Variants in RGL1 observed in about 807,000 individuals in gnomAD.
RGL1 encodes the protein ral guanine nucleotide dissociation stimulator-like 1.
Under a neutral mutation model 95.2 loss-of-function variants are expected in RGL1, and 24 were observed. The ratio of observed to expected loss-of-function variants is 0.25; its 90% CI spans 0.18 to 0.35. The LOEUF is 0.35. Among genes scored for constraint, RGL1 ranks in the 10% least tolerant of loss-of-function variants. The probability of loss-of-function intolerance (pLI) is 1.00; values close to 1 mark genes in which losing one functional copy is unlikely to be tolerated. For missense variants in RGL1, 715 were observed against 936.3 expected, an observed-to-expected ratio of 0.76 and a Z score of 3.08; for synonymous variants, 329 against 344.9, an observed-to-expected ratio of 0.95 and a Z score of 0.51.
intron 1 of RGL1, among the ~76,000 whole-genome samples, chr1:183,713,460 G>A (rs1655433482): frequency 7.3e-6 from 1 of 136,276 alleles, no homozygotes; most frequent in Admixed American, 8.7e-5. Context: ...TTAGCCAGTT[G>A]AATGTGATTT....
At chr1:183,884,975 AG>A (rs1239435780) in intron 7 of RGL1, 37 bp downstream of exon 7, 1 of 1,551,732 alleles carries the variant, frequency 6.4e-7, no homozygotes, top group African/African-American at 1.4e-5. Flanking sequence ...TGTGTTTGGT[AG>A]ATGCAAGAGA....
intron 15 of RGL1, among the ~76,000 whole-genome samples, chr1:183,913,953 C>T (rs1445586361): frequency 6.6e-6 from 1 of 152,212 alleles, no homozygotes. Context: ...TACGGACTGG[C>T]CATGCTCTCA....
intron 7 of RGL1, among the ~76,000 whole-genome samples, chr1:183,886,812 GA>G (rs1384268883): frequency 9.2e-5 from 14 of 152,066 alleles, no homozygotes; most frequent in Non-Finnish European, 1.6e-4. Context: ...AAGGATATTT[GA>G]AAAAGAAAAT....
At chr1:183,636,249 G>A in exon 1 of RGL1, 2 of 399,040 alleles carry the variant, frequency 5.0e-6, no homozygotes, top group Non-Finnish European at 4.4e-6. Flanking sequence ...CGGACCGAGT[G>A]CCCTGCAGTT....
chr1:183,712,141 G>C (rs976761016), intron 1 of RGL1, among the ~76,000 whole-genome samples: 3 of 152,204 alleles, frequency 2.0e-5, no homozygotes, highest in African/African-American at 7.2e-5. Context: ...GCCATTCCTT[G>C]GGCAGTAGTA....
intron 3 of RGL1, among the ~76,000 whole-genome samples, chr1:183,861,225 A>G (rs1665493764): frequency 6.6e-6 from 1 of 152,160 alleles, no homozygotes; most frequent in Non-Finnish European, 1.5e-5. Context: ...ATTTGCCAGA[A>G]TCAAGCAGAG....
At chr1:183,846,748 T>C (rs188354960) in intron 2 of RGL1, among the ~76,000 whole-genome samples, 14 of 152,068 alleles carry the variant, frequency 9.2e-5, no homozygotes, top group African/African-American at 3.4e-4. Flanking sequence ...GGTGTGGTGA[T>C]GGGTGCCTGT....
chr1:183,737,966 G>A (rs774632211), intron 1 of RGL1, among the ~76,000 whole-genome samples: 9 of 152,130 alleles, frequency 5.9e-5, no homozygotes, highest in African/African-American at 1.9e-4. Flanking sequence ...AAAGGAGTCC[G>A]TAAGGCTTAC....
At chr1:183,740,516 T>C (rs1291557789) in intron 1 of RGL1, among the ~76,000 whole-genome samples, 1 of 152,242 alleles carries the variant, frequency 6.6e-6, no homozygotes, top group Non-Finnish European at 1.5e-5. Context: ...GATTTCAATT[T>C]CCACTTACTT....
At chr1:183,845,366 A>C (rs1025607188) in intron 2 of RGL1, among the ~76,000 whole-genome samples, 2 of 152,212 alleles carry the variant, frequency 1.3e-5, no homozygotes, top group African/African-American at 4.8e-5. Flanking sequence ...GCAGAATGTA[A>C]GGCACACCAA....
intron 1 of RGL1, among the ~76,000 whole-genome samples, chr1:183,732,479 C>T (rs777225141): frequency 5.3e-5 from 8 of 152,144 alleles, no homozygotes; most frequent in Non-Finnish European, 1.0e-4. Context: ...TCCATCCACC[C>T]CTCATTTGTT....
chr1:183,894,770 T>C (rs1240474808), intron 9 of RGL1, among the ~76,000 whole-genome samples: 1 of 152,208 alleles, frequency 6.6e-6, no homozygotes, highest in Admixed American at 6.5e-5. Flanking sequence ...CTCTTAGTTT[T>C]AAATGACCTA....
chr1:183,901,294 A>G (rs762183902), intron 11 of RGL1, among the ~76,000 whole-genome samples: 5 of 151,896 alleles, frequency 3.3e-5, no homozygotes, highest in Non-Finnish European at 7.4e-5. Flanking sequence ...GCAAGACCCC[A>G]TCTCAAAAAA....
At chr1:183,838,498 C>T (rs912383371) in intron 2 of RGL1, among the ~76,000 whole-genome samples, 6 of 152,194 alleles carry the variant, frequency 3.9e-5, no homozygotes, top group African/African-American at 1.4e-4. Flanking sequence ...CACGTGGCTT[C>T]ATTCTAACAA....
At chr1:183,887,562 A>T (rs1667191381) in intron 7 of RGL1, among the ~76,000 whole-genome samples, 1 of 152,042 alleles carries the variant, frequency 6.6e-6, no homozygotes, top group African/African-American at 2.4e-5. Context: ...CCTGTATATG[A>T]AGCATCTCCT....
intron 7 of RGL1, among the ~76,000 whole-genome samples, chr1:183,887,764 C>T (rs1667203140): frequency 6.6e-6 from 1 of 152,122 alleles, no homozygotes; most frequent in African/African-American, 2.4e-5. Context: ...CTCTCCTTAC[C>T]CAGAAAATGG....
intron 2 of RGL1, 22 bp from the exon 3 acceptor site, chr1:183,847,544 T>C: frequency 6.3e-7 from 1 of 1,596,490 alleles, no homozygotes. Flanking sequence ...CTCCTTATGG[T>C]AATTGTTAAT....
At chr1:183,913,454 C>G (rs1668783600) in intron 15 of RGL1, among the ~76,000 whole-genome samples, 1 of 152,058 alleles carries the variant, frequency 6.6e-6, no homozygotes, top group African/African-American at 2.4e-5. Context: ...CTTCGGCCTC[C>G]CAAAGTGCTG....
rs747086106 is a variant in RGL1 at position 183,777,629 on chromosome 1, A to C, written c.133-28746A>C. The stretch of plus-strand genomic sequence containing the variant: ...TCCTCAGGGAGGGAGCTCATAGGAA[A>C]ACTGATGATCTGAGATTGTGATTTG... On this transcript the variant is annotated intron_variant, in intron 2 of 18. Transcript: ENST00000304685. Among the ~76,000 whole-genome samples, 46 of 152,362 alleles carry C rather than the reference A, an allele frequency of 3.0e-4. No individual in the cohort carries two copies. In the Middle Eastern group the frequency reaches 0.017, roughly 56 times the overall value.
Sources: gnomAD v4.1 joint callset for allele counts (sites outside exome capture counted in the v4.1 genomes callset) on GRCh38, gnomAD v4.1.1 for gene constraint, MANE v1.5 for transcripts, NCBI Gene and HGNC (gene_info 2026-07-23, HGNC 2026-07-21) for gene names.